Variants in LGR4 observed in about 807,000 individuals in gnomAD.
LGR4 encodes the protein leucine rich repeat containing G protein-coupled receptor 4, also known as leucine-rich repeat-containing G protein-coupled receptor 4.
In LGR4, 44 loss-of-function variants were observed where a neutral mutation model predicts 84.8. The ratio of observed to expected loss-of-function variants is 0.52; its 90% CI spans 0.41 to 0.67. The LOEUF is 0.67. Ranked by LOEUF, LGR4 falls within the 30% of genes least tolerant of loss-of-function variation. LGR4 has a pLI of 0.00. For missense variants in LGR4, 1,032 were observed against 1,131.4 expected, an observed-to-expected ratio of 0.91 and a Z score of 1.26; for synonymous variants, 429 against 434.3, an observed-to-expected ratio of 0.99 and a Z score of 0.15.
At position 27,367,500 on chromosome 11, in the gene LGR4, T is replaced by G. The variant is rs539558063; in HGVS notation, c.*367A>C. ...ATAGAAAATCACATTTTAAAATAGA[T>G]TTTTAAAAAATATTAACAGCTGTTC... On this transcript the variant is annotated 3_prime_UTR_variant, in exon 18 of 18. Transcript: ENST00000379214. The G allele has an allele frequency of 9.6e-4, 152 of 158,982 alleles. No homozygotes were observed. Among genetic ancestry groups the G allele is most frequent in the Admixed American group, 1.2e-3 (19 of 15,748 alleles). The allele number at this position is 158,982 out of a possible 1,614,324, so 9.8% of individuals were successfully genotyped here.
At chr11:27,400,839 G>A (rs1863487143) in intron 2 of LGR4, among the ~76,000 whole-genome samples, 1 of 152,198 alleles carries the variant, frequency 6.6e-6, no homozygotes, top group African/African-American at 2.4e-5. Context: ...GAGGACCGGA[G>A]GATATGGTTA....
intron 1 of LGR4, among the ~76,000 whole-genome samples, chr11:27,440,989 G>GTGAAAGTGCTT (rs1266152368): frequency 7.2e-5 from 11 of 152,082 alleles, no homozygotes; most frequent in Non-Finnish European, 1.5e-4. Flanking sequence ...TTTTATGCTC[G>GTGAAAGTGCTT]TGAAAGTATT....
chr11:27,406,908 T>A (rs1863621715), intron 2 of LGR4, among the ~76,000 whole-genome samples: 1 of 152,136 alleles, frequency 6.6e-6, no homozygotes, highest in Non-Finnish European at 1.5e-5. Context: ...TGAGTCAAAC[T>A]TTAGTTTGGA....
intron 2 of LGR4, among the ~76,000 whole-genome samples, chr11:27,398,150 A>C (rs1052802786): frequency 6.6e-6 from 1 of 152,232 alleles, no homozygotes; most frequent in Non-Finnish European, 1.5e-5. Flanking sequence ...CTCTTAATGC[A>C]TATATGACCT....
intron 12 of LGR4, among the ~76,000 whole-genome samples, chr11:27,376,732 T>C (rs577539688): frequency 2.6e-5 from 4 of 152,234 alleles, no homozygotes; most frequent in African/African-American, 9.6e-5. Flanking sequence ...AACACAACTA[T>C]GACAAATACC....
intron 1 of LGR4, among the ~76,000 whole-genome samples, chr11:27,425,490 T>A (rs1433961847): frequency 6.6e-6 from 1 of 151,864 alleles, no homozygotes; most frequent in Non-Finnish European, 1.5e-5. Context: ...AGGGGCTGAT[T>A]TTTAAAATTT....
At chr11:27,460,452 T>A (rs1864660553) in intron 1 of LGR4, among the ~76,000 whole-genome samples, 1 of 152,204 alleles carries the variant, frequency 6.6e-6, no homozygotes, top group Non-Finnish European at 1.5e-5. Context: ...GGCAGAGCAA[T>A]ACCCAAATCC....
intron 1 of LGR4, among the ~76,000 whole-genome samples, chr11:27,445,352 A>G (rs1016692187): frequency 3.3e-5 from 5 of 152,104 alleles, no homozygotes; most frequent in Admixed American, 2.0e-4. Flanking sequence ...CTGGATATAT[A>G]TTTTCAATAT....
intron 2 of LGR4, among the ~76,000 whole-genome samples, chr11:27,400,578 C>T (rs1398792152): frequency 1.3e-5 from 2 of 151,748 alleles, no homozygotes; most frequent in Admixed American, 1.3e-4. Flanking sequence ...TCTCGGCTGA[C>T]TGCAACCTCT....
At chr11:27,381,762 T>C (rs1242173841) in intron 7 of LGR4, among the ~76,000 whole-genome samples, 1 of 152,218 alleles carries the variant, frequency 6.6e-6, no homozygotes, top group Non-Finnish European at 1.5e-5. Flanking sequence ...AATATTTTTG[T>C]TCTTTCAAGT....
chr11:27,412,445 C>T (rs188893778), intron 2 of LGR4, among the ~76,000 whole-genome samples: 180 of 152,206 alleles, frequency 1.2e-3, no homozygotes, highest in Non-Finnish European at 2.4e-3. Flanking sequence ...ATAGCAACTC[C>T]TTGGTAACAA....
At chr11:27,436,519 T>C (rs1011870434) in intron 1 of LGR4, among the ~76,000 whole-genome samples, 1 of 152,124 alleles carries the variant, frequency 6.6e-6, no homozygotes, top group African/African-American at 2.4e-5. Context: ...ATTATAAGGA[T>C]GGATGTTTCA....
At chr11:27,411,045 A>C (rs1863700878) in intron 2 of LGR4, among the ~76,000 whole-genome samples, 1 of 152,144 alleles carries the variant, frequency 6.6e-6, no homozygotes, top group African/African-American at 2.4e-5. Flanking sequence ...TGGCAATCGA[A>C]GGCATCAACG....
intron 1 of LGR4, among the ~76,000 whole-genome samples, chr11:27,451,528 C>A (rs1358934918): frequency 6.6e-6 from 1 of 152,172 alleles, no homozygotes; most frequent in Non-Finnish European, 1.5e-5. Context: ...CTGGGGTTAA[C>A]AATGAAGTAA....
chr11:27,381,074 A>G, intron 7 of LGR4, 108 bp from the exon 8 acceptor site: 1 of 587,698 alleles, frequency 1.7e-6, no homozygotes, highest in South Asian at 2.8e-5. Flanking sequence ...GATAATGACT[A>G]CATGAAAATT....
intron 2 of LGR4, among the ~76,000 whole-genome samples, chr11:27,400,227 A>G (rs1258261431): frequency 3.3e-5 from 5 of 152,166 alleles, no homozygotes; most frequent in Non-Finnish European, 5.9e-5. Flanking sequence ...TCTGAAATAC[A>G]AAACACTTAT....
chr11:27,468,252 T>C (rs938020810), intron 1 of LGR4, among the ~76,000 whole-genome samples: 2 of 152,158 alleles, frequency 1.3e-5, no homozygotes, highest in African/African-American at 4.8e-5. Flanking sequence ...ACATACACTG[T>C]GAAGGTTTGA....
Position 27,378,716 on chromosome 11 carries a change from G to T in LGR4, c.1024C>A (p.Gln342Lys). Reference protein sequence around the residue: ...SSIPNNLCQEQKMLRTLDLSY... With the variant: ...SSIPNNLCQEKKMLRTLDLSY... ...ACTTACAAAGTCCTAAGCATCTTTT[G>T]TTCTTGACACAAATTATTAGGTATG... The change falls in exon 11 of 18, where the codon CAA (glutamine) becomes AAA (lysine). Residue 342 changes from glutamine (Q) to lysine (K), a missense_variant. Gln to Lys is a moderately conservative substitution (Grantham distance 53). Transcript: ENST00000379214. 6.2e-7 allele frequency: 1 copy of T among 1,611,158 alleles called. No homozygotes were observed. The highest frequency in any genetic ancestry group is 8.5e-7 in the Non-Finnish European group (1 of 1,177,978).
rs1863066644 is a variant in LGR4, at chr11:27,380,277, T to C, written c.965A>G (p.Glu322Gly). The C allele has an allele frequency of 4.4e-6, 7 of 1,607,474 alleles. No homozygotes were observed. Among genetic ancestry groups the C allele is most frequent in the Non-Finnish European group, 6.0e-6 (7 of 1,175,308 alleles). The change falls in exon 10 of 18, where the codon GAA becomes GGA. Residue 322 changes from glutamate to glycine, a missense_variant. Coordinates refer to ENST00000379214, the MANE Select transcript of LGR4 (RefSeq NM_018490.5). ...FPNLTGTVHL[E>G]SLTLTGTKIS... is the part of the protein sequence containing the mutation. Reference sequence around the variant, plus strand: ...TTCAAAGGGCCTTACTTACAGACTTTCCAGGTGGACAGTTCCTGTAAGATT... The same window carrying C: ...TTCAAAGGGCCTTACTTACAGACTTCCCAGGTGGACAGTTCCTGTAAGATT...
Sources: allele counts gnomAD v4.1 joint callset (sites outside exome capture counted in the v4.1 genomes callset), GRCh38; gene constraint gnomAD v4.1.1; transcripts MANE v1.5; gene names NCBI Gene and HGNC (gene_info 2026-07-23, HGNC 2026-07-21).